KLHL20: variants seen among roughly 807,000 people sequenced by gnomAD.
KLHL20 encodes the protein kelch like family member 20, also known as kelch-like protein 20.
KLHL20 carries 29 observed loss-of-function variants against 69.5 expected under a neutral mutation model. The ratio of observed to expected loss-of-function variants is 0.42; its 90% CI spans 0.31 to 0.57. KLHL20 has a LOEUF of 0.57. Among genes scored for constraint, KLHL20 ranks in the 20% least tolerant of loss-of-function variants. KLHL20 has a pLI of 0.18. For missense variants in KLHL20, 419 were observed against 776.0 expected, an observed-to-expected ratio of 0.54 and a Z score of 5.47; for synonymous variants, 253 against 265.2, an observed-to-expected ratio of 0.95 and a Z score of 0.45.
chr1:173,739,023 G>T (rs1010630110), intron 3 of KLHL20, among the ~76,000 whole-genome samples: 14 of 152,010 alleles, frequency 9.2e-5, no homozygotes, highest in Non-Finnish European at 2.1e-4. Flanking sequence ...GATTTAGGGA[G>T]GATTCCCTCT....
At chr1:173,781,262 A>G (rs2102541458) in intron 10 of KLHL20, among the ~76,000 whole-genome samples, 1 of 152,272 alleles carries the variant, frequency 6.6e-6, no homozygotes, top group Admixed American at 6.5e-5. Context: ...GAGTAACATA[A>G]TAAGGACTTT....
intron 8 of KLHL20, among the ~76,000 whole-genome samples, chr1:173,768,504 C>T (rs1390620045): frequency 6.6e-6 from 1 of 152,084 alleles, no homozygotes; most frequent in Admixed American, 6.5e-5. Flanking sequence ...ATGCCAGTTC[C>T]CTTTTATCTC....
At chr1:173,721,287 A>G (rs887697009) in intron 2 of KLHL20, among the ~76,000 whole-genome samples, 3 of 152,246 alleles carry the variant, frequency 2.0e-5, no homozygotes, top group South Asian at 2.1e-4. Context: ...GAAATTTTCA[A>G]TTTGTTCTAC....
intron 8 of KLHL20, 146 bp from the exon 9 acceptor site, chr1:173,774,159 A>G (rs1648297301): frequency 3.3e-6 from 3 of 920,610 alleles, no homozygotes; most frequent in South Asian, 3.6e-5. Flanking sequence ...CGTTTTTCTA[A>G]TGACTAAGTA....
rs750715526 is a variant in KLHL20 at position 173,751,761 on chromosome 1, C to A, written c.598-3C>A. 2 of 1,611,590 alleles carry A rather than the reference C, an allele frequency of 1.2e-6. No homozygotes were observed. The highest frequency in any genetic ancestry group is 1.7e-6 in the Non-Finnish European group (2 of 1,178,692). On this transcript the variant is annotated splice_region_variant and splice_polypyrimidine_tract_variant and intron_variant, in intron 3 of 11. Transcript: ENST00000209884. ...TTTTTTCTTCTTACCTAACTTTGAA[C>A]AGGTAATGGAGAGTGAAGAGTTCAT...
chr1:173,753,612 A>AT (rs951557002), intron 5 of KLHL20, among the ~76,000 whole-genome samples: 12 of 150,276 alleles, frequency 8.0e-5, no homozygotes, highest in East Asian at 1.9e-4. Flanking sequence ...CTCTGCTAAT[A>AT]TTTTTTTTTT....
chr1:173,762,493 A>G (rs188399900), intron 7 of KLHL20, among the ~76,000 whole-genome samples: 59 of 152,326 alleles, frequency 3.9e-4, no homozygotes, highest in Non-Finnish European at 6.8e-4. Context: ...ACAAAATACT[A>G]GCTAACCAAA....
chr1:173,764,303 G>A (rs1053657982), intron 7 of KLHL20, among the ~76,000 whole-genome samples: 15 of 152,182 alleles, frequency 9.9e-5, no homozygotes, highest in Non-Finnish European at 2.1e-4. Context: ...AGCCACTATG[G>A]AAAACAGTGC....
chr1:173,743,177 A>G (rs1459041222), intron 3 of KLHL20, among the ~76,000 whole-genome samples: 1 of 151,510 alleles, frequency 6.6e-6, no homozygotes. Flanking sequence ...GCTCAACCTC[A>G]CCTATAATTA....
chr1:173,776,682 TC>T (rs956863046), intron 10 of KLHL20, among the ~76,000 whole-genome samples: 15 of 152,206 alleles, frequency 9.9e-5, no homozygotes, highest in Middle Eastern at 3.2e-3. Flanking sequence ...GATTGTCCTT[TC>T]CCCAATATAC....
At chr1:173,769,429 C>T (rs1482055347) in intron 8 of KLHL20, among the ~76,000 whole-genome samples, 1 of 152,030 alleles carries the variant, frequency 6.6e-6, no homozygotes, top group Non-Finnish European at 1.5e-5. Flanking sequence ...AGGACGAGGG[C>T]AACAGATGCC....
chr1:173,784,091 A>AACAAC (rs1244734695), intron 11 of KLHL20, among the ~76,000 whole-genome samples: 1 of 152,172 alleles, frequency 6.6e-6, no homozygotes, highest in Non-Finnish European at 1.5e-5. Flanking sequence ...AACAAAACAA[A>AACAAC]ACAACAAAAA....
intron 2 of KLHL20, among the ~76,000 whole-genome samples, chr1:173,724,689 C>T (rs1406497796): frequency 6.6e-6 from 1 of 152,094 alleles, no homozygotes; most frequent in Non-Finnish European, 1.5e-5. Context: ...CCTGTAGTCC[C>T]AGCTACTTAG....
At chr1:173,760,735 A>C (rs756078432) in intron 7 of KLHL20, among the ~76,000 whole-genome samples, 2 of 152,214 alleles carry the variant, frequency 1.3e-5, no homozygotes, top group Non-Finnish European at 2.9e-5. Flanking sequence ...TCTTGAAAGA[A>C]ATCCTGGAAA....
At chr1:173,764,768 G>A (rs901045880) in intron 7 of KLHL20, among the ~76,000 whole-genome samples, 1 of 151,990 alleles carries the variant, frequency 6.6e-6, no homozygotes, top group Non-Finnish European at 1.5e-5. Flanking sequence ...CTACAAATAT[G>A]GTGCCATGTA....
chr1:173,750,256 A>G (rs563109386), intron 3 of KLHL20, among the ~76,000 whole-genome samples: 1 of 152,170 alleles, frequency 6.6e-6, no homozygotes, highest in South Asian at 2.1e-4. Flanking sequence ...ATGGCCCTTT[A>G]CTGTTTTGAG....
chr1:173,780,008 G>A (rs1648754917), intron 10 of KLHL20, among the ~76,000 whole-genome samples: 2 of 152,154 alleles, frequency 1.3e-5, no homozygotes, highest in Non-Finnish European at 2.9e-5. Context: ...CACTGATCAT[G>A]TCAGGAGTTC....
intron 3 of KLHL20, among the ~76,000 whole-genome samples, chr1:173,740,352 C>T (rs1227510100): frequency 6.6e-6 from 1 of 151,524 alleles, no homozygotes; most frequent in East Asian, 2.0e-4. Context: ...CCTCGTGATC[C>T]ACCCGCCTCG....
intron 2 of KLHL20, among the ~76,000 whole-genome samples, chr1:173,720,018 T>C (rs1671643831): frequency 6.6e-6 from 1 of 151,934 alleles, no homozygotes; most frequent in Non-Finnish European, 1.5e-5. Flanking sequence ...CTTTGGGAGA[T>C]GGAGGAGGAA....
Sources: gnomAD v4.1 joint callset for allele counts (sites outside exome capture counted in the v4.1 genomes callset) on GRCh38, gnomAD v4.1.1 for gene constraint, MANE v1.5 for transcripts, NCBI Gene and HGNC (gene_info 2026-07-23, HGNC 2026-07-21) for gene names.